The following GDF1 variants were observed in gnomAD, a reference collection of about 807,000 sequenced individuals.
The protein encoded by GDF1 is growth differentiation factor 1, also known as embryonic growth/differentiation factor 1.
GDF1 carries 8 observed loss-of-function variants against 7.4 expected under a neutral mutation model. The observed-to-expected ratio is 1.09, with a 90% CI of 0.64 to 1.96. The LOEUF is 1.96. Ranked by LOEUF, GDF1 falls within the 30% of genes most tolerant of loss-of-function variation. The pLI is 0.00. For missense variants in GDF1, 574 were observed against 551.5 expected (o/e 1.04, Z -0.41); for synonymous variants, 311 against 276.7 (o/e 1.12, Z -1.23).
intron 3 of GDF1, among the ~76,000 whole-genome samples, 162 bp downstream of exon 3, chr19:18,883,925 C>G (rs184212074): frequency 1.3e-3 from 204 of 152,318 alleles, no homozygotes; most frequent in African/African-American, 4.8e-3. Flanking sequence ...TGCCTCTGGT[C>G]TGTCCCCTCG....
Position 18,870,275 on chromosome 19 carries a change from G to C in GDF1, c.33C>G (p.His11Gln). The change falls in exon 7 of 8, where the codon CAC becomes CAG. Residue 11 changes from histidine (H) to glutamine (Q), a missense_variant. By Grantham distance (24) the His-to-Gln change is conservative (BLOSUM62 0). Coordinates refer to ENST00000247005, the MANE Select transcript of GDF1 (RefSeq NM_001492.6). This position sits in a 1 kb window ranked among gnomAD's most constrained non-coding sequence, Gnocchi z 5.1. Reference protein sequence around the residue: MPPPQQGPCGHHLLLLLALLL... With the variant: MPPPQQGPCGQHLLLLLALLL... Reference sequence around the variant, plus strand: ...GCAGGGCCAGGAGGAGGAGGAGGTGGTGGCCGCAGGGACCTTGCTGCGGCG... The same window carrying C: ...GCAGGGCCAGGAGGAGGAGGAGGTGCTGGCCGCAGGGACCTTGCTGCGGCG... 5 of 1,549,776 alleles carry C rather than the reference G, an allele frequency of 3.2e-6. No individual in the cohort carries two copies. The highest frequency in any genetic ancestry group is 3.5e-6 in the Non-Finnish European group (4 of 1,149,068).
chr19:18,874,118 A>G (rs1255421539), intron 6 of GDF1, among the ~76,000 whole-genome samples: 2 of 152,124 alleles, frequency 1.3e-5, no homozygotes, highest in East Asian at 3.9e-4. Context: ...AGCCTCAGAG[A>G]GAGGGACTGT....
At chr19:18,872,634 G>GC (rs1257344867) in intron 6 of GDF1, among the ~76,000 whole-genome samples, 1 of 151,752 alleles carries the variant, frequency 6.6e-6, no homozygotes, top group African/African-American at 2.4e-5. Flanking sequence ...TCCTGCCTCA[G>GC]CCCCCCAAGT....
chr19:18,890,078 G>A (rs2056454513), intron 2 of GDF1, among the ~76,000 whole-genome samples: 2 of 152,120 alleles, frequency 1.3e-5, no homozygotes, highest in Admixed American at 6.5e-5. Context: ...TCTGCTCCCA[G>A]CCCACAGATA....
In GDF1 at chr19:18,893,506, G is replaced by A. The variant is rs1039358825; in HGVS notation, c.-1004C>T. 1 of 1,610,302 alleles carries A rather than the reference G, an allele frequency of 6.2e-7. No individual in the cohort carries two copies. The highest frequency in any genetic ancestry group is 8.5e-7 in the Non-Finnish European group (1 of 1,178,582). On this transcript the variant is annotated 5_prime_UTR_variant, in exon 2 of 8. Coordinates refer to ENST00000247005, the MANE Select transcript of GDF1 (RefSeq NM_001492.6). Reference sequence around the variant, plus strand: ...TAGCTCCAGCTGCCCAGGTAGAAGAGAAACTTCCAAGCGCTCTCGGGCATC... The same window carrying A: ...TAGCTCCAGCTGCCCAGGTAGAAGAAAAACTTCCAAGCGCTCTCGGGCATC...
At position 18,895,571 on chromosome 19, in the gene GDF1, G is replaced by C. The variant is rs1173146128; in HGVS notation, c.-1074+253C>G. On this transcript the variant is annotated intron_variant, in intron 1 of 7. Transcript: ENST00000247005. The surrounding 1 kb of genome is among the most constrained non-coding windows in gnomAD (Gnocchi z 6.4). Reference sequence around the variant, plus strand: ...CATGTCCCAGACTCACCCCAGCCCGGCCACACCCCCGCATCTACCCGGTTC... The same window carrying C: ...CATGTCCCAGACTCACCCCAGCCCGCCCACACCCCCGCATCTACCCGGTTC... Among the ~76,000 whole-genome samples the C allele has an allele frequency of 2.0e-5, 3 of 151,588 alleles. No homozygotes were observed. The highest frequency in any genetic ancestry group is 6.6e-5 in the Admixed American group (1 of 15,234).
At position 18,870,091 on chromosome 19, in the gene GDF1, C is replaced by T. The variant is rs948744401; in HGVS notation, c.217G>A (p.Glu73Lys). ...WRLFRRRDPQ[E>K]TRSGSRRTSP... ...GTCCGCCGCGAGCCAGACCTGGTCT[C>T]CTGGGGGTCCCGGCGTCGAAACAGG... is the stretch of plus-strand genomic sequence containing the variant. Residue 73 changes from glutamate (E) to lysine (K), a missense_variant, in exon 7 of 8, where the codon GAG becomes AAG. Transcript: ENST00000247005. This position sits in a 1 kb window ranked among gnomAD's most constrained non-coding sequence, Gnocchi z 5.1. 1.3e-6 allele frequency: 2 copies of T among 1,574,638 alleles called. No individual in the cohort carries two copies. The highest frequency in any genetic ancestry group is 1.8e-5 in the Admixed American group (1 of 55,778).
Position 18,870,437 on chromosome 19 carries a change from A to T in GDF1, c.-130T>A. The T allele has an allele frequency of 1.2e-5, 9 of 729,214 alleles. No individual in the cohort carries two copies. Among genetic ancestry groups the T allele is most frequent in the Admixed American group, 2.6e-5 (1 of 38,836 alleles). The allele number at this position is 729,214 out of a possible 1,614,324, so 45.2% of individuals were successfully genotyped here. ...GGCGTGGCCGGGAACTGGAGGCAGG[A>T]TGAGGGGGCGGGGTCCCAGGGGAGG... On this transcript the variant is annotated 5_prime_UTR_variant, in exon 7 of 8. Coordinates refer to ENST00000247005, the MANE Select transcript of GDF1 (RefSeq NM_001492.6). The surrounding 1 kb of genome is among the most constrained non-coding windows in gnomAD (Gnocchi z 5.1).
intron 2 of GDF1, among the ~76,000 whole-genome samples, chr19:18,892,335 C>G (rs1400057276): frequency 1.3e-5 from 2 of 152,086 alleles, no homozygotes; most frequent in African/African-American, 2.4e-5. Flanking sequence ...CACATTCAGG[C>G]TAGGTGCAGT....
Position 18,878,727 on chromosome 19 carries a change from C to T in GDF1, c.-313+203G>A. 1 of 1,390,620 alleles carries T rather than the reference C, an allele frequency of 7.2e-7. No homozygotes were observed. Among genetic ancestry groups the T allele is most frequent in the South Asian group, 1.5e-5 (1 of 65,210 alleles). The allele number at this position is 1,390,620 out of a possible 1,614,324, so 86.1% of individuals were successfully genotyped here. On this transcript the variant is annotated intron_variant, in intron 6 of 7. Transcript: ENST00000247005. This position sits in a 1 kb window ranked among gnomAD's most constrained non-coding sequence, Gnocchi z 4.6. ...CTGCCTGCCCCTCCCCAGCCTCTCC[C>T]TCCCCTTCCTCACTGTCCTGTCCTT...
Position 18,893,479 on chromosome 19 carries a change from T to C in GDF1, c.-977A>G. 1 of 1,607,740 alleles carries C rather than the reference T, an allele frequency of 6.2e-7. No homozygotes were observed. The highest frequency in any genetic ancestry group is 8.5e-7 in the Non-Finnish European group (1 of 1,177,376). On this transcript the variant is annotated 5_prime_UTR_variant, in exon 2 of 8. Coordinates refer to ENST00000247005, the MANE Select transcript of GDF1 (RefSeq NM_001492.6). ...TCGGTGCCAAACAGCAGGTAGGCACTGTAGCTCCAGCTGCCCAGGTAGAAG... is the reference window on the plus strand; with the variant it reads ...TCGGTGCCAAACAGCAGGTAGGCACCGTAGCTCCAGCTGCCCAGGTAGAAG...
chr19:18,868,972 C>T lies in GDF1; in HGVS notation c.744G>A (p.Leu248=). ...VTLDPRLCHP[L]ARPRRDAEPV... ...GTTCGGCGTCGCGCCGCGGCCGGGCCAGGGGGTGGCACAGGCGCGGGTCGA... is the reference window on the plus strand; with the variant it reads ...GTTCGGCGTCGCGCCGCGGCCGGGCTAGGGGGTGGCACAGGCGCGGGTCGA... Residue 248 remains leucine (L), a synonymous_variant, in exon 8 of 8, where the codon CTG becomes CTA. Transcript: ENST00000247005. 8.7e-7 allele frequency: 1 copy of T among 1,148,472 alleles called. No individual in the cohort carries two copies. Among genetic ancestry groups the T allele is most frequent in the Non-Finnish European group, 1.1e-6 (1 of 934,748 alleles). 71.1% of individuals were successfully genotyped at this position (1,148,472 alleles called of 1,614,324 possible).
intron 6 of GDF1, among the ~76,000 whole-genome samples, chr19:18,872,741 C>T (rs945905944): frequency 2.2e-5 from 3 of 137,716 alleles, no homozygotes; most frequent in Non-Finnish European, 3.2e-5. Flanking sequence ...GTCTAGAACT[C>T]CTGACCTCAG....
chr19:18,874,887 G>GAGTT (rs2056034658), intron 6 of GDF1, among the ~76,000 whole-genome samples: 1 of 152,182 alleles, frequency 6.6e-6, no homozygotes, highest in Non-Finnish European at 1.5e-5. Context: ...CACGCCTCCT[G>GAGTT]AGTTACCTAA....
chr19:18,875,966 A>T (rs1379071170), intron 6 of GDF1, among the ~76,000 whole-genome samples: 1 of 152,222 alleles, frequency 6.6e-6, no homozygotes, highest in South Asian at 2.1e-4. Context: ...ATCCAGAAAT[A>T]TTAGAGAATA....
intron 2 of GDF1, among the ~76,000 whole-genome samples, chr19:18,887,545 G>C (rs1016848744): frequency 6.6e-6 from 1 of 152,148 alleles, no homozygotes; most frequent in Non-Finnish European, 1.5e-5. Context: ...AGGAGTTGGA[G>C]ACCAGCCTGG....
At chr19:18,887,761 A>C (rs189744183) in intron 2 of GDF1, among the ~76,000 whole-genome samples, 1 of 151,790 alleles carries the variant, frequency 6.6e-6, no homozygotes, top group Non-Finnish European at 1.5e-5. Flanking sequence ...AAAAAAAAAA[A>C]ATTGTGTTAA....
At chr19:18,882,785 C>T (rs2056247091) in intron 3 of GDF1, among the ~76,000 whole-genome samples, 3 of 151,976 alleles carry the variant, frequency 2.0e-5, no homozygotes, top group South Asian at 2.1e-4. Flanking sequence ...CTCCGCCTCC[C>T]GGGTTCATGC....
rs139174485 is a variant in GDF1, at chr19:18,870,710, C to G, written c.-312-91G>C. The G allele has an allele frequency of 1.6e-3, 794 of 482,894 alleles. 3 individuals are homozygous for G. The highest frequency in any genetic ancestry group is 0.014 in the African/African-American group (671 of 49,040). The allele number at this position is 482,894 out of a possible 1,614,324, so 29.9% of individuals were successfully genotyped here. A position where few individuals can be genotyped will look rare whatever the true frequency, so the allele number is the denominator to read the frequency against. ...CTTCTTCTCTGGCCGTTTCACACCC[C>G]CTGGCTCCTTTTACCCGGCCAGGCC... On this transcript the variant is annotated intron_variant, in intron 6 of 7. Transcript: ENST00000247005. The surrounding 1 kb of genome is among the most constrained non-coding windows in gnomAD (Gnocchi z 5.1).
Sources: allele counts gnomAD v4.1 joint callset (sites outside exome capture counted in the v4.1 genomes callset), GRCh38; gene constraint gnomAD v4.1.1; non-coding constraint Gnocchi (gnomAD v3.1); transcripts MANE v1.5; gene names NCBI Gene and HGNC (gene_info 2026-07-23, HGNC 2026-07-21).